The following HIF3A variants were observed in gnomAD, a reference collection of about 807,000 sequenced individuals.
HIF3A encodes the protein hypoxia-inducible factor 3-alpha.
Under a neutral mutation model 67.2 loss-of-function variants are expected in HIF3A, and 41 were observed. That is an observed-to-expected ratio of 0.61 (90% CI 0.48 to 0.79). The LOEUF (loss-of-function observed/expected upper bound fraction) is 0.79, where lower values mean the gene tolerates loss of function less well. Among genes scored for constraint, HIF3A ranks in the 30% least tolerant of loss-of-function variants. The pLI is 0.00. For synonymous variants in HIF3A, 356 were observed against 374.8 expected, an observed-to-expected ratio of 0.95 and a Z score of 0.58; for missense variants, 855 against 898.0, an observed-to-expected ratio of 0.95 and a Z score of 0.61.
At chr19:46,320,392 G>T in intron 8 of HIF3A, 51 bp from the exon 9 acceptor site, 1 of 1,452,108 alleles carries the variant, frequency 6.9e-7, no homozygotes, top group Non-Finnish European at 9.7e-7. Flanking sequence ...TTCTGGGCTG[G>T]AGCCAAGGAC....
intron 14 of HIF3A, among the ~76,000 whole-genome samples, chr19:46,336,806 G>A (rs1438262148): frequency 6.6e-6 from 1 of 152,100 alleles, no homozygotes; most frequent in Admixed American, 6.5e-5. Flanking sequence ...GGCCAACATG[G>A]TGAAACCCTG....
chr19:46,303,633 C>A, intron 1 of HIF3A: 1 of 1,578,720 alleles, frequency 6.3e-7, no homozygotes. Flanking sequence ...CGGCCCTAGG[C>A]GCGCCACAGA....
chr19:46,305,048 T>C, intron 2 of HIF3A, 197 bp from the exon 3 acceptor site: 3 of 752,854 alleles, frequency 4.0e-6, no homozygotes, highest in Middle Eastern at 2.3e-4. Flanking sequence ...TGGGAGGCCC[T>C]GCTTCTAATT....
At chr19:46,299,825 C>T (rs1435450243) in intron 1 of HIF3A, among the ~76,000 whole-genome samples, 1 of 151,642 alleles carries the variant, frequency 6.6e-6, no homozygotes, top group Non-Finnish European at 1.5e-5. Context: ...CGGTGGGGGG[C>T]GGGACACCCA....
In HIF3A at chr19:46,343,179, G is replaced by T. The variant is rs1384677922; in HGVS notation, c.*3557G>T. 6.5e-6 allele frequency: 1 copy of T among 152,892 alleles called. No individual in the cohort carries two copies. Among genetic ancestry groups the T allele is most frequent in the African/African-American group, 2.4e-5 (1 of 41,426 alleles). 9.5% of individuals were successfully genotyped at this position (152,892 alleles called of 1,614,324 possible). On this transcript the variant is annotated 3_prime_UTR_variant, in exon 15 of 15. Coordinates refer to ENST00000377670, the MANE Select transcript of HIF3A (RefSeq NM_152795.4). The stretch of plus-strand genomic sequence containing the variant: ...TACTCTTGGTCTCCCACAGGAAAAG[G>T]CCTCCCCCCTTCTTAGCCCCATTTA...
intron 8 of HIF3A, among the ~76,000 whole-genome samples, chr19:46,315,252 A>T (rs1485982378): frequency 6.9e-6 from 1 of 145,878 alleles, no homozygotes; most frequent in African/African-American, 2.5e-5. Flanking sequence ...TTTTTAATAG[A>T]GAAGGAGTTT....
chr19:46,333,096 A>T lies in HIF3A; in HGVS notation c.1831-1809A>T, dbSNP rs553644737. Among the ~76,000 whole-genome samples, 170 of 152,154 alleles carry T rather than the reference A, an allele frequency of 1.1e-3. 2 individuals are homozygous for T. The Middle Eastern group carries it at 0.014, about 12-fold the overall frequency. On this transcript the variant is annotated intron_variant, in intron 13 of 14. Coordinates refer to ENST00000377670, the MANE Select transcript of HIF3A (RefSeq NM_152795.4). The stretch of plus-strand genomic sequence containing the variant: ...AGCTTACACTTATTAAGTGCCTACC[A>T]TGTGCCAGACACTAACTGCACTAAA...
intron 7 of HIF3A, 104 bp from the exon 8 acceptor site, chr19:46,312,402 C>T: frequency 6.2e-7 from 1 of 1,609,344 alleles, no homozygotes; most frequent in Non-Finnish European, 8.5e-7. Context: ...CCCCAAGCCC[C>T]AAGGAACTGT....
chr19:46,303,465 C>A, intron 1 of HIF3A: 1 of 619,490 alleles, frequency 1.6e-6, no homozygotes. Flanking sequence ...AACTGCAGGG[C>A]AGGGGGCCTG....
chr19:46,303,605 G>C, intron 1 of HIF3A: 1 of 1,558,212 alleles, frequency 6.4e-7, no homozygotes. Flanking sequence ...CTGCAGATAA[G>C]TCAGGGAGGG....
intron 1 of HIF3A, among the ~76,000 whole-genome samples, chr19:46,299,643 G>C (rs1009920755): frequency 6.6e-6 from 1 of 150,778 alleles, no homozygotes; most frequent in African/African-American, 2.4e-5. Context: ...GCCTGAGGCA[G>C]AGGTTGTAAT....
In HIF3A at chr19:46,321,882, C is replaced by G; in HGVS notation, c.1251C>G (p.Leu417=). The G allele has an allele frequency of 6.2e-7, 1 of 1,614,020 alleles. No individual in the cohort carries two copies. The highest frequency in any genetic ancestry group is 8.5e-7 in the Non-Finnish European group (1 of 1,180,034). ...TCTGCAGCCCTGACCTCCGTCGCCT[C>G]CTGGGACCCATCCTGGATGGGGCTT... ...RRFCSPDLRR[L]LGPILDGASV... Residue 417 remains leucine (L), a synonymous_variant, in exon 10 of 15, where the codon CTC becomes CTG. Coordinates refer to ENST00000377670, the MANE Select transcript of HIF3A (RefSeq NM_152795.4).
At position 46,326,333 on chromosome 19, in the gene HIF3A, T is replaced by C. The variant is rs535723236; in HGVS notation, c.1440+694T>C. Among the ~76,000 whole-genome samples the C allele has an allele frequency of 3.3e-5, 5 of 152,290 alleles. No homozygotes were observed. In the East Asian group the frequency reaches 9.7e-4, roughly 29 times the overall value. On this transcript the variant is annotated intron_variant, in intron 11 of 14. Coordinates refer to ENST00000377670, the MANE Select transcript of HIF3A (RefSeq NM_152795.4). ...AGGGACAAATGGAGAAGTAGAGAGA[T>C]AGAAAGTACAAGTCCCAGACTGAAG...
chr19:46,321,753 C>T, intron 9 of HIF3A, 23 bp from the exon 10 acceptor site: 1 of 1,606,928 alleles, frequency 6.2e-7, no homozygotes, highest in Non-Finnish European at 8.5e-7. Flanking sequence ...CCCGTGTCCT[C>T]CCCATCTCCA....
intron 10 of HIF3A, among the ~76,000 whole-genome samples, 176 bp downstream of exon 10, chr19:46,322,142 A>G (rs1970418898): frequency 6.6e-6 from 1 of 152,110 alleles, no homozygotes; most frequent in Non-Finnish European, 1.5e-5. Context: ...AGATTTTTCA[A>G]TTGTTAGAAT....
rs369380972 is a variant in HIF3A, at chr19:46,329,398, G to A, written c.1632G>A (p.Gly544=). 3.7e-6 allele frequency: 6 copies of A among 1,608,488 alleles called. No individual in the cohort carries two copies. In the African/African-American group the frequency reaches 4.0e-5, roughly 11 times the overall value. Residue 544 remains glycine (G), a synonymous_variant, in exon 12 of 15, where the codon GGG becomes GGA. Coordinates refer to ENST00000377670, the MANE Select transcript of HIF3A (RefSeq NM_152795.4). Reference sequence around the variant, plus strand: ...AGCCCTCCCTGCTACCCCGCTGGGGGAGTGACCCCCGGCTGAGCTGCTCCA... The same window carrying A: ...AGCCCTCCCTGCTACCCCGCTGGGGAAGTGACCCCCGGCTGAGCTGCTCCA... The part of the protein sequence containing the change: ...ALEPSLLPRW[G]SDPRLSCSSP...
intron 8 of HIF3A, among the ~76,000 whole-genome samples, chr19:46,319,498 G>A (rs1243179098): frequency 1.3e-5 from 2 of 152,086 alleles, no homozygotes; most frequent in Non-Finnish European, 2.9e-5. Flanking sequence ...GTGAAGGGAG[G>A]TGCCAGGGAC....
chr19:46,298,301 G>A (rs902025474), intron 1 of HIF3A: 8 of 883,736 alleles, frequency 9.1e-6, no homozygotes, highest in Admixed American at 2.6e-5. Flanking sequence ...GCCAGCTGTC[G>A]TTCCGCCCCT....
At position 46,341,118 on chromosome 19, in the gene HIF3A, C is replaced by G. The variant is rs1971919413; in HGVS notation, c.*1496C>G. 6.6e-6 allele frequency: 1 copy of G among 152,076 alleles called. No homozygotes were observed. Among genetic ancestry groups the G allele is most frequent in the Non-Finnish European group, 1.5e-5 (1 of 68,044 alleles). 9.4% of individuals were successfully genotyped at this position (152,076 alleles called of 1,614,324 possible). ...TGATTTCCTCTGGTTCTGGACCCCA[C>G]AACTCCAAGCTTCCTATTGGTTCCA... is the stretch of plus-strand genomic sequence containing the variant. On this transcript the variant is annotated 3_prime_UTR_variant, in exon 15 of 15. Transcript: ENST00000377670.
Sources: gnomAD v4.1 joint callset for allele counts (sites outside exome capture counted in the v4.1 genomes callset) on GRCh38, gnomAD v4.1.1 for gene constraint, MANE v1.5 for transcripts, NCBI Gene and HGNC (gene_info 2026-07-23, HGNC 2026-07-21) for gene names.